GINS1: variants seen among roughly 807,000 people sequenced by gnomAD.
GINS1 encodes the protein DNA replication complex GINS protein PSF1.
In GINS1, 26 loss-of-function variants were observed where a neutral mutation model predicts 34.9. The observed-to-expected ratio is 0.74, with a 90% CI of 0.55 to 1.03. The LOEUF (loss-of-function observed/expected upper bound fraction) is 1.03. GINS1 is among the 50% of genes least tolerant of loss of function. The pLI, the probability that GINS1 is intolerant of heterozygous loss-of-function variation, is 0.00. For missense variants in GINS1, 235 were observed against 237.9 expected, an observed-to-expected ratio of 0.99 and a Z score of 0.08; for synonymous variants, 97 against 84.4, an observed-to-expected ratio of 1.15 and a Z score of -0.82.
intron 6 of GINS1, among the ~76,000 whole-genome samples, chr20:25,445,472 G>A (rs530290593): frequency 6.6e-6 from 1 of 151,914 alleles, no homozygotes; most frequent in East Asian, 1.9e-4. Flanking sequence ...TCAGCCTCCT[G>A]AGTAGCTGGG....
intron 5 of GINS1, among the ~76,000 whole-genome samples, chr20:25,437,608 T>C (rs2090460968): frequency 6.6e-6 from 1 of 152,238 alleles, no homozygotes; most frequent in South Asian, 2.1e-4. Flanking sequence ...TACTCCACCA[T>C]TTTACCTGAA....
chr20:25,413,398 T>C (rs2090299157), intron 1 of GINS1: 1 of 162,578 alleles, frequency 6.2e-6, no homozygotes, highest in Non-Finnish European at 1.3e-5. Flanking sequence ...GGTTTATCCA[T>C]CTATCATTTG....
At chr20:25,424,040 C>T (rs1042655731) in intron 4 of GINS1, among the ~76,000 whole-genome samples, 3 of 152,134 alleles carry the variant, frequency 2.0e-5, no homozygotes, top group Non-Finnish European at 4.4e-5. Flanking sequence ...TGAGATGACC[C>T]AGCACCATGT....
intron 6 of GINS1, among the ~76,000 whole-genome samples, chr20:25,444,302 T>C (rs763146567): frequency 1.3e-4 from 20 of 152,150 alleles, no homozygotes; most frequent in Non-Finnish European, 2.2e-4. Flanking sequence ...CGTGAGCCAC[T>C]GCGCCTGGCT....
chr20:25,441,571 A>G (rs997998647), intron 5 of GINS1, 131 bp from the exon 6 acceptor site: 1 of 562,972 alleles, frequency 1.8e-6, no homozygotes, highest in Non-Finnish European at 3.2e-6. Flanking sequence ...TAGTAGTACT[A>G]GGCCTAAGTA....
intron 2 of GINS1, 80 bp from the exon 3 acceptor site, chr20:25,417,024 A>G (rs1372637781): frequency 3.0e-6 from 2 of 659,868 alleles, no homozygotes; most frequent in Non-Finnish European, 5.4e-6. Flanking sequence ...CAAGCATGTA[A>G]CTCAGTTGTT....
At position 25,413,729 on chromosome 20, in the gene GINS1, CAT is replaced by C. The variant is rs113806285; in HGVS notation, c.76-58_76-57del. On this transcript the variant is annotated intron_variant, in intron 1 of 6. Coordinates refer to ENST00000262460, the MANE Select transcript of GINS1 (RefSeq NM_021067.5). ...GAAAGATACAGTTCAGTATTGATAG[CAT>C]ATTGCCACAGAATTGGTGGGGAAAT... 307 of 910,648 alleles carry C rather than the reference CAT, an allele frequency of 3.4e-4. 1 individual carries two copies. In the African/African-American group the frequency reaches 4.3e-3, roughly 13 times the overall value. The allele number at this position is 910,648 out of a possible 1,614,324, so 56.4% of individuals were successfully genotyped here.
intron 6 of GINS1, 122 bp from the exon 7 acceptor site, chr20:25,445,801 A>G (rs1417909711): frequency 4.6e-6 from 3 of 655,018 alleles, no homozygotes; most frequent in East Asian, 2.7e-5. Context: ...TTAACTTTCA[A>G]CTACTTACTT....
Position 25,417,144 on chromosome 20 carries a change from A to G in GINS1, c.181A>G (p.Thr61Ala), listed in dbSNP as rs762444035. Residue 61 changes from threonine (T) to alanine (A), a missense_variant, in exon 3 of 7, where the codon ACT (threonine) becomes GCT (alanine). By Grantham distance (58) the Thr-to-Ala change is moderately conservative. Transcript: ENST00000262460. ...KSGGRSDLIP[T>A]IKFRHCSLLR... ...AGGTGGACGAAGTGATTTGATACCA[A>G]CTATCAAATTTCGACACTGTTCTCT... The G allele has an allele frequency of 1.3e-6, 2 of 1,591,588 alleles. No individual in the cohort carries two copies. The highest frequency in any genetic ancestry group is 1.3e-5 in the African/African-American group (1 of 74,458).
At chr20:25,409,116 C>T (rs374061141) in intron 1 of GINS1, 10 of 753,792 alleles carry the variant, frequency 1.3e-5, no homozygotes, top group African/African-American at 5.7e-5. Flanking sequence ...CACAAAGTCA[C>T]GTGGTCACAC....
At chr20:25,408,732 C>G (rs1293661673) in intron 1 of GINS1, among the ~76,000 whole-genome samples, 1 of 152,086 alleles carries the variant, frequency 6.6e-6, no homozygotes, top group Non-Finnish European at 1.5e-5. Context: ...CTATTGTTTT[C>G]TACTTTTTTC....
chr20:25,423,154 G>A (rs142602900), intron 4 of GINS1, among the ~76,000 whole-genome samples: 116 of 150,750 alleles, frequency 7.7e-4, no homozygotes, highest in African/African-American at 2.5e-3. Flanking sequence ...TGACTCTGTC[G>A]CACAGGCTGG....
chr20:25,423,637 G>A (rs1277386420), intron 4 of GINS1, among the ~76,000 whole-genome samples: 8 of 137,506 alleles, frequency 5.8e-5, no homozygotes, highest in South Asian at 2.3e-4. Context: ...TTTCCGAGAC[G>A]GAGTCTCTCT....
intron 1 of GINS1, among the ~76,000 whole-genome samples, chr20:25,412,646 G>A (rs2090293554): frequency 6.6e-6 from 1 of 151,850 alleles, no homozygotes; most frequent in Admixed American, 6.6e-5. Context: ...ATCTTTGTTC[G>A]TCAATTTTAT....
At chr20:25,413,885 A>G in intron 2 of GINS1, 31 bp downstream of exon 2, 1 of 1,264,938 alleles carries the variant, frequency 7.9e-7, no homozygotes, top group Non-Finnish European at 1.2e-6. Flanking sequence ...TTCTAAAACA[A>G]TTCAATAATT....
intron 2 of GINS1, among the ~76,000 whole-genome samples, chr20:25,414,922 A>G (rs572448012): frequency 1.3e-5 from 2 of 152,318 alleles, no homozygotes; most frequent in South Asian, 4.1e-4. Context: ...AGAGGTGACT[A>G]GATTTATTGA....
intron 1 of GINS1, among the ~76,000 whole-genome samples, chr20:25,412,636 AT>A (rs2090293479): frequency 2.0e-5 from 3 of 152,184 alleles, no homozygotes; most frequent in African/African-American, 7.2e-5. Context: ...GACGATTGAT[AT>A]CTTTGTTCGT....
At position 25,442,331 on chromosome 20, in the gene GINS1, T is replaced by G. The variant is rs2090486129; in HGVS notation, c.522+555T>G. Among the ~76,000 whole-genome samples, 3 of 134,674 alleles carry G rather than the reference T, an allele frequency of 2.2e-5. No homozygotes were observed. In the South Asian group the frequency reaches 7.5e-4, roughly 34 times the overall value. The allele number at this position is 134,674 out of a possible 152,430, so 88.4% of individuals were successfully genotyped here. On this transcript the variant is annotated intron_variant, in intron 6 of 6. Transcript: ENST00000262460. ...CTTATAAGGAATCTTTATCCATCTA[T>G]CTATCTATCTGTCTGTCTGTCTGTC...
intron 5 of GINS1, among the ~76,000 whole-genome samples, chr20:25,426,602 C>G (rs186815921): frequency 6.6e-6 from 1 of 151,572 alleles, no homozygotes; most frequent in Non-Finnish European, 1.5e-5. Flanking sequence ...CTTGGCTCAC[C>G]GCAACCTCCG....
Sources: gnomAD v4.1 joint callset for allele counts (sites outside exome capture counted in the v4.1 genomes callset) on GRCh38, gnomAD v4.1.1 for gene constraint, MANE v1.5 for transcripts, NCBI Gene and HGNC (gene_info 2026-07-23, HGNC 2026-07-21) for gene names.